The following RNF14 variants were observed in gnomAD, a reference collection of about 807,000 sequenced individuals.
RNF14 encodes E3 ubiquitin-protein ligase RNF14.
RNF14 carries 26 observed loss-of-function variants against 52.6 expected under a neutral mutation model. That is an observed-to-expected ratio of 0.49 (90% CI 0.36 to 0.69). RNF14 has a LOEUF of 0.69. Ranked by LOEUF, RNF14 falls within the 30% of genes least tolerant of loss-of-function variation. The probability of loss-of-function intolerance (pLI) is 0.00; values close to 1 mark genes in which losing one functional copy is unlikely to be tolerated. For missense variants in RNF14, 404 were observed against 560.4 expected (o/e 0.72, Z 2.82); for synonymous variants, 194 against 202.0 (o/e 0.96, Z 0.34).
intron 2 of RNF14, among the ~76,000 whole-genome samples, chr5:141,971,337 G>C (rs1012283737): frequency 5.3e-5 from 8 of 151,582 alleles, no homozygotes; most frequent in Admixed American, 1.3e-4. Flanking sequence ...AGCATCCAAG[G>C]CTCAAGCGAT....
chr5:141,955,135 G>C (rs377464118), upstream of RNF14: 14 of 1,614,110 alleles, frequency 8.7e-6, no homozygotes, highest in Non-Finnish European at 1.2e-5. The surrounding 1 kb of genome is among the most constrained non-coding windows in gnomAD (Gnocchi z 5.5). Context: ...GGTTGCAGAG[G>C]AGGCTGGTGG....
At chr5:141,956,784 C>T, upstream of RNF14, 1 of 1,614,178 alleles carries the variant, frequency 6.2e-7, no homozygotes, top group Non-Finnish European at 8.5e-7. Flanking sequence ...GCTGGGAGGC[C>T]CATGTGACGT....
intron 4 of RNF14, among the ~76,000 whole-genome samples, chr5:141,976,976 A>C (rs980717255): frequency 6.6e-6 from 1 of 152,046 alleles, no homozygotes; most frequent in Non-Finnish European, 1.5e-5. Flanking sequence ...TTTTTAGTAG[A>C]GACAGGGTTT....
intron 1 of RNF14, among the ~76,000 whole-genome samples, chr5:141,959,745 C>T (rs575676000): frequency 6.6e-6 from 1 of 152,300 alleles, no homozygotes; most frequent in African/African-American, 2.4e-5. Context: ...TTCACTGAAA[C>T]CCATTAAACC....
intron 2 of RNF14, among the ~76,000 whole-genome samples, chr5:141,973,241 C>CTTTTTTTTTTTT (rs11385874): frequency 1.4e-5 from 2 of 141,112 alleles, no homozygotes; most frequent in Non-Finnish European, 3.0e-5. Flanking sequence ...ATTTTCTTTT[C>CTTTTTTTTTTTT]TTTTTTTTTT....
At chr5:141,985,789 G>A (rs1029220029) in intron 8 of RNF14, among the ~76,000 whole-genome samples, 20 of 152,134 alleles carry the variant, frequency 1.3e-4, no homozygotes, top group Non-Finnish European at 1.9e-4. Flanking sequence ...TCCTGACCTC[G>A]TGAGCTGCCC....
Position 141,987,904 on chromosome 5 carries a change from A to G in RNF14, c.*114A>G. On this transcript the variant is annotated 3_prime_UTR_variant, in exon 9 of 9. Coordinates refer to ENST00000394520, the MANE Select transcript of RNF14 (RefSeq NM_004290.5). Reference sequence around the variant, plus strand: ...CTATTCATTCACTCTTCCTGCGTAGAAGATATGGAAGAACGAGGTTTATAT... The same window carrying G: ...CTATTCATTCACTCTTCCTGCGTAGGAGATATGGAAGAACGAGGTTTATAT... 1.1e-6 allele frequency: 1 copy of G among 909,542 alleles called. No individual in the cohort carries two copies. The highest frequency in any genetic ancestry group is 1.8e-6 in the Non-Finnish European group (1 of 561,364). The allele number at this position is 909,542 out of a possible 1,614,324, so 56.3% of individuals were successfully genotyped here.
chr5:141,970,386 A>C (rs941230022), intron 1 of RNF14, among the ~76,000 whole-genome samples: 2 of 152,214 alleles, frequency 1.3e-5, no homozygotes, highest in Non-Finnish European at 2.9e-5. Flanking sequence ...GGAGAAAAAA[A>C]CAAAACAAAA....
At chr5:141,957,551 A>G, upstream of RNF14, 1 of 1,614,180 alleles carries the variant, frequency 6.2e-7, no homozygotes, top group East Asian at 2.2e-5. This position sits in a 1 kb window ranked among gnomAD's most constrained non-coding sequence, Gnocchi z 4.3. Flanking sequence ...CAGGGATCCC[A>G]CTGTCGGCAC....
At position 141,970,817 on chromosome 5, in the gene RNF14, A is replaced by G. The variant is rs1166451169; in HGVS notation, c.-67A>G. 3 of 152,210 alleles carry G rather than the reference A, an allele frequency of 2.0e-5. No homozygotes were observed. Among genetic ancestry groups the G allele is most frequent in the Non-Finnish European group, 4.4e-5 (3 of 68,012 alleles). The allele number at this position is 152,210 out of a possible 1,614,324, so 9.4% of individuals were successfully genotyped here. On this transcript the variant is annotated 5_prime_UTR_variant, in exon 2 of 9. Coordinates refer to ENST00000394520, the MANE Select transcript of RNF14 (RefSeq NM_004290.5). ...AATAAATGGGATTTGCATGAACTCCACTCTGAGCTGAAATACAGACTGCGG... is the reference window on the plus strand; with the variant it reads ...AATAAATGGGATTTGCATGAACTCCGCTCTGAGCTGAAATACAGACTGCGG...
the RNF14 span, among the ~76,000 whole-genome samples, chr5:141,949,868 G>A: frequency 6.6e-6 from 1 of 152,212 alleles, no homozygotes; most frequent in East Asian, 1.9e-4. Context: ...CACATTGTAA[G>A]CACTCAGCAG....
upstream of RNF14, chr5:141,956,255 A>T: frequency 6.2e-7 from 1 of 1,613,998 alleles, no homozygotes; most frequent in Non-Finnish European, 8.5e-7. Context: ...ATCACCTGGA[A>T]CTCAAAGCCG....
chr5:141,961,271 G>A (rs781687812), intron 1 of RNF14, among the ~76,000 whole-genome samples: 1 of 152,084 alleles, frequency 6.6e-6, no homozygotes, highest in Non-Finnish European at 1.5e-5. Flanking sequence ...TGCATAGGTC[G>A]CAAGAAAGTT....
At chr5:141,974,741 C>T in intron 3 of RNF14, 63 bp from the exon 4 acceptor site, 1 of 1,518,774 alleles carries the variant, frequency 6.6e-7, no homozygotes, top group Non-Finnish European at 9.1e-7. Flanking sequence ...GAGCGCTGCT[C>T]AACAGTAGTG....
upstream of RNF14, chr5:141,957,612 G>C (rs138689340): frequency 0.013 from 21,233 of 1,614,188 alleles, 205 homozygotes; most frequent in Middle Eastern, 0.024. The surrounding 1 kb of genome is among the most constrained non-coding windows in gnomAD (Gnocchi z 4.3). Flanking sequence ...CTTCCTCAGA[G>C]TCCACCTGAA....
At chr5:141,962,383 C>T (rs1753281579), upstream of RNF14, among the ~76,000 whole-genome samples, 1 of 152,180 alleles carries the variant, frequency 6.6e-6, no homozygotes, top group African/African-American at 2.4e-5. Flanking sequence ...TTACAAAATA[C>T]CAGGGACAGG....
At chr5:141,976,423 G>A (rs538038884) in intron 4 of RNF14, among the ~76,000 whole-genome samples, 2 of 152,338 alleles carry the variant, frequency 1.3e-5, no homozygotes, top group Non-Finnish European at 1.5e-5. Flanking sequence ...ATTTGGGGGC[G>A]GAGGTGTGTG....
upstream of RNF14, chr5:141,956,285 G>T (rs759617346): frequency 3.1e-6 from 5 of 1,614,216 alleles, no homozygotes; most frequent in South Asian, 5.5e-5. Context: ...TCATAGTTCA[G>T]TGACCTCTGA....
At chr5:141,957,521 G>A (rs772311470), upstream of RNF14, 6 of 1,614,182 alleles carry the variant, frequency 3.7e-6, no homozygotes, top group Non-Finnish European at 5.1e-6. This position sits in a 1 kb window ranked among gnomAD's most constrained non-coding sequence, Gnocchi z 4.3. Context: ...CCTGTGGCAA[G>A]CACATCAAAG....
Sources: gnomAD v4.1 joint callset for allele counts (sites outside exome capture counted in the v4.1 genomes callset) on GRCh38, gnomAD v4.1.1 for gene constraint, Gnocchi (gnomAD v3.1) non-coding constraint, MANE v1.5 for transcripts, NCBI Gene and HGNC (gene_info 2026-07-23, HGNC 2026-07-21) for gene names.